PDE7A: variants seen among roughly 807,000 people sequenced by gnomAD.
The protein encoded by PDE7A is high affinity 3',5'-cyclic-AMP phosphodiesterase 7A.
Under a neutral mutation model 64.3 loss-of-function variants are expected in PDE7A, and 39 were observed. The ratio of observed to expected loss-of-function variants is 0.61; its 90% CI spans 0.47 to 0.79. The LOEUF (loss-of-function observed/expected upper bound fraction) is 0.79. PDE7A is among the 30% of genes least tolerant of loss of function. The pLI is 0.00. For synonymous variants in PDE7A, 203 were observed against 206.8 expected (o/e 0.98, Z 0.16); for missense variants, 470 against 582.8 (o/e 0.81, Z 1.99).
At position 65,798,209 on chromosome 8, in the gene PDE7A, T is replaced by A. The variant is rs1480133532; in HGVS notation, c.139-15366A>T. On this transcript the variant is annotated intron_variant, in intron 1 of 12. Transcript: ENST00000401827. Reference sequence around the variant, plus strand: ...ATATATATATATATATATATATATTTTTTTTTTTTTGAGATGGAGTCTCGC... The same window carrying A: ...ATATATATATATATATATATATATTATTTTTTTTTTGAGATGGAGTCTCGC... 1.9e-3 allele frequency among the ~76,000 whole-genome samples: 269 copies of A among 142,120 alleles called. 1 individual carries two copies. The highest frequency in any genetic ancestry group is 0.015 in the Middle Eastern group (4 of 274). The allele number at this position is 142,120 out of a possible 152,430, so 93.2% of individuals were successfully genotyped here.
rs371620919 is a variant in PDE7A, at chr8:65,750,474, CTGTGTGTGTG to C, written c.284-2681_284-2672del. Among the ~76,000 whole-genome samples, 37 of 142,728 alleles carry C rather than the reference CTGTGTGTGTG, an allele frequency of 2.6e-4. No individual in the cohort carries two copies. The East Asian group carries it at 7.0e-3, about 27-fold the overall frequency. 93.6% of individuals were successfully genotyped at this position (142,728 alleles called of 152,430 possible). On this transcript the variant is annotated intron_variant, in intron 3 of 12. Transcript: ENST00000401827. ...TATGTATATATGTAAATTAGAATCA[CTGTGTGTGTG>C]TGTGTGTGTGTGTGTGTGTCTGTGT...
intron 9 of PDE7A, among the ~76,000 whole-genome samples, chr8:65,726,128 A>G (rs1806597682): frequency 6.6e-6 from 1 of 152,188 alleles, no homozygotes; most frequent in African/African-American, 2.4e-5. Context: ...ACATATTTTT[A>G]TACCTCACCA....
chr8:65,732,510 C>A (rs1474193613), intron 7 of PDE7A, among the ~76,000 whole-genome samples: 1 of 152,114 alleles, frequency 6.6e-6, no homozygotes. Flanking sequence ...GAGATACAAT[C>A]TTCAGGCATC....
chr8:65,831,279 A>C (rs558636806), intron 1 of PDE7A, among the ~76,000 whole-genome samples: 1 of 152,304 alleles, frequency 6.6e-6, no homozygotes, highest in South Asian at 2.1e-4. Context: ...TATTCGAAGT[A>C]AACTTATCTA....
chr8:65,761,065 T>C (rs1808469181), intron 3 of PDE7A, among the ~76,000 whole-genome samples: 1 of 142,846 alleles, frequency 7.0e-6, no homozygotes, highest in Non-Finnish European at 1.5e-5. Context: ...TTGTTTTTTC[T>C]TTTTTTTTTT....
chr8:65,746,192 C>T (rs60557661), intron 4 of PDE7A, among the ~76,000 whole-genome samples: 3,806 of 151,884 alleles, frequency 0.025, 177 homozygotes, highest in African/African-American at 0.086. Context: ...CCTTGGCCTC[C>T]GAACGTGCTA....
chr8:65,755,366 G>C (rs1006979676), intron 3 of PDE7A, among the ~76,000 whole-genome samples: 3 of 151,936 alleles, frequency 2.0e-5, no homozygotes, highest in Non-Finnish European at 2.9e-5. Flanking sequence ...GTTTTGTTTT[G>C]TTTGTGCATC....
intron 1 of PDE7A, among the ~76,000 whole-genome samples, chr8:65,805,244 A>G (rs1396679451): frequency 3.3e-5 from 5 of 152,226 alleles, no homozygotes; most frequent in Non-Finnish European, 5.9e-5. Flanking sequence ...AGAGCCCCTT[A>G]TTTAGAACCT....
intron 3 of PDE7A, among the ~76,000 whole-genome samples, chr8:65,750,880 G>A (rs1329757635): frequency 6.6e-6 from 1 of 152,152 alleles, no homozygotes; most frequent in Non-Finnish European, 1.5e-5. Flanking sequence ...TTTTGACCAA[G>A]TTAAGCTGCA....
chr8:65,743,215 T>C (rs1219403009), intron 5 of PDE7A, among the ~76,000 whole-genome samples: 1 of 152,136 alleles, frequency 6.6e-6, no homozygotes, highest in East Asian at 1.9e-4. Context: ...TAAAATAATA[T>C]TTGTGTTAAG....
intron 1 of PDE7A, among the ~76,000 whole-genome samples, chr8:65,834,955 T>C (rs1003367107): frequency 3.3e-5 from 5 of 152,150 alleles, no homozygotes; most frequent in African/African-American, 1.2e-4. Context: ...CTATGAACAC[T>C]ACCTGAATGC....
intron 5 of PDE7A, 96 bp from the exon 6 acceptor site, chr8:65,739,693 A>G: frequency 1.7e-6 from 2 of 1,206,632 alleles, no homozygotes; most frequent in South Asian, 5.9e-5. Context: ...AAAACATGGA[A>G]AGAGTAATAA....
At chr8:65,739,217 G>A (rs967486475) in intron 6 of PDE7A, among the ~76,000 whole-genome samples, 2 of 152,182 alleles carry the variant, frequency 1.3e-5, no homozygotes, top group South Asian at 2.1e-4. Context: ...ATGTAGAGCC[G>A]AGATGGGTCA....
chr8:65,791,166 GAAGT>G (rs1032858194), intron 1 of PDE7A, among the ~76,000 whole-genome samples: 1 of 152,180 alleles, frequency 6.6e-6, no homozygotes, highest in East Asian at 1.9e-4. Flanking sequence ...TTAAAAAGAG[GAAGT>G]AAGAAAGGCA....
At position 65,726,918 on chromosome 8, in the gene PDE7A, A is replaced by G. The variant is rs1267022340; in HGVS notation, c.877T>C (p.Leu293=). ...NHHWRSAVGL[L]RESGLFSHLP... The stretch of plus-strand genomic sequence containing the variant: ...TGTGAGAATAAGCCTGATTCTCTCA[A>G]TAAGCCCACTGCAGATCTCCAGTGG... Residue 293 remains leucine (L), a synonymous_variant, in exon 9 of 13, where the codon TTG becomes CTG. Transcript: ENST00000401827. The G allele has an allele frequency of 2.5e-6, 4 of 1,610,074 alleles. No homozygotes were observed. Among genetic ancestry groups the G allele is most frequent in the East Asian group, 2.2e-5 (1 of 44,798 alleles).
intron 5 of PDE7A, among the ~76,000 whole-genome samples, chr8:65,744,098 G>A (rs1807563079): frequency 6.6e-6 from 1 of 152,168 alleles, no homozygotes; most frequent in Admixed American, 6.5e-5. Flanking sequence ...CTGCCAAAGT[G>A]CGGGGATTAC....
chr8:65,756,108 A>T (rs1378948620), intron 3 of PDE7A, among the ~76,000 whole-genome samples: 2 of 152,226 alleles, frequency 1.3e-5, no homozygotes, highest in Non-Finnish European at 2.9e-5. Flanking sequence ...CTGGCCACCA[A>T]GGTTCTTAAT....
At chr8:65,833,257 G>A (rs761271600) in intron 1 of PDE7A, among the ~76,000 whole-genome samples, 1 of 152,038 alleles carries the variant, frequency 6.6e-6, no homozygotes, top group Non-Finnish European at 1.5e-5. Flanking sequence ...CCAGAGAAGT[G>A]GTTTCAAATC....
intron 1 of PDE7A, among the ~76,000 whole-genome samples, chr8:65,823,657 C>G (rs1028167221): frequency 5.3e-5 from 8 of 152,064 alleles, no homozygotes; most frequent in Non-Finnish European, 1.0e-4. Flanking sequence ...ATCTTGTCAC[C>G]TTTACCATAT....
Sources: allele counts gnomAD v4.1 joint callset (sites outside exome capture counted in the v4.1 genomes callset), GRCh38; gene constraint gnomAD v4.1.1; transcripts MANE v1.5; gene names NCBI Gene and HGNC (gene_info 2026-07-23, HGNC 2026-07-21).